MSMO1: variants seen among roughly 807,000 people sequenced by gnomAD.
The protein encoded by MSMO1 is C-4 methylsterol oxidase.
A neutral mutation model predicts 30.4 loss-of-function variants in MSMO1; 18 were observed. The observed-to-expected ratio is 0.59, with a 90% CI of 0.41 to 0.88. MSMO1 has a LOEUF of 0.88. Ranked by LOEUF, MSMO1 falls within the 40% of genes least tolerant of loss-of-function variation. The pLI is 0.00. For missense variants in MSMO1, 284 were observed against 340.5 expected, an observed-to-expected ratio of 0.83 and a Z score of 1.31; for synonymous variants, 84 against 107.9, an observed-to-expected ratio of 0.78 and a Z score of 1.37.
At chr4:165,336,682 C>A (rs547717736) in intron 2 of MSMO1, among the ~76,000 whole-genome samples, 102 of 152,288 alleles carry the variant, frequency 6.7e-4, no homozygotes, top group Non-Finnish European at 1.2e-3. Context: ...AATACAAAGG[C>A]AGCTGTCAGA....
At chr4:165,334,821 G>A (rs1747495550) in intron 2 of MSMO1, among the ~76,000 whole-genome samples, 2 of 152,172 alleles carry the variant, frequency 1.3e-5, no homozygotes, top group Admixed American at 1.3e-4. Flanking sequence ...GTAGACCATT[G>A]AGAGTATTCA....
Position 165,332,215 on chromosome 4 carries a change from A to G in MSMO1, c.-31-1125A>G, listed in dbSNP as rs533348240. ...GCATAAAAGTGCATAGATAAAATAC[A>G]TATCCTTTTCAAAAAATCTTAAGTG... On this transcript the variant is annotated intron_variant, in intron 1 of 5. Coordinates refer to ENST00000261507, the MANE Select transcript of MSMO1 (RefSeq NM_006745.5). 7.2e-5 allele frequency among the ~76,000 whole-genome samples: 11 copies of G among 152,330 alleles called. No individual in the cohort carries two copies. In the South Asian group the frequency reaches 1.9e-3, roughly 26 times the overall value.
chr4:165,335,081 A>G, intron 2 of MSMO1, among the ~76,000 whole-genome samples: 1 of 152,218 alleles, frequency 6.6e-6, no homozygotes, highest in East Asian at 1.9e-4. Context: ...GGATTCGTGT[A>G]GGTTATGTCA....
At chr4:165,333,752 A>G in intron 2 of MSMO1, 127 bp downstream of exon 2, 1 of 1,062,818 alleles carries the variant, frequency 9.4e-7, no homozygotes, top group Non-Finnish European at 1.3e-6. Flanking sequence ...CACGTATGTA[A>G]TTTTAAATTT....
chr4:165,329,827 T>C (rs1392612280), intron 1 of MSMO1, among the ~76,000 whole-genome samples: 6 of 151,758 alleles, frequency 4.0e-5, no homozygotes, highest in Non-Finnish European at 7.4e-5. Flanking sequence ...TTGGTGGAGA[T>C]GTTTCACCAT....
Position 165,333,400 on chromosome 4 carries a change from T to TATA in MSMO1, c.31_32insTAA (p.Phe10_Ser11insIle). The TATA allele has an allele frequency of 6.2e-7, 1 of 1,612,010 alleles. No individual in the cohort carries two copies. The stretch of plus-strand genomic sequence containing the variant: ...CAACAAATGAAAGTGTCAGCATCTT[T>TATA]AGTTCAGCATCCTTGGCTGTGGAAT... On this transcript the variant is annotated inframe_insertion, in exon 2 of 6. Coordinates refer to ENST00000261507, the MANE Select transcript of MSMO1 (RefSeq NM_006745.5).
At position 165,337,043 on chromosome 4, in the gene MSMO1, T is replaced by A. The variant is rs201841620; in HGVS notation, c.256-746T>A. On this transcript the variant is annotated intron_variant, in intron 2 of 5. Transcript: ENST00000261507. Reference sequence around the variant, plus strand: ...ATACCTGAATTTTTCAGCAGTGACATTTAAAACAAAGCAATAACTGATATT... The same window carrying A: ...ATACCTGAATTTTTCAGCAGTGACAATTAAAACAAAGCAATAACTGATATT... Among the ~76,000 whole-genome samples the A allele has an allele frequency of 5.3e-5, 8 of 152,248 alleles. No individual in the cohort carries two copies. The East Asian group carries it at 1.5e-3, about 29-fold the overall frequency.
In MSMO1 at chr4:165,341,956, G is replaced by T. The variant is rs375429656; in HGVS notation, c.*10G>T. On this transcript the variant is annotated 3_prime_UTR_variant, in exon 6 of 6. Transcript: ENST00000261507. ...GAAAAAGACTGAATAAATATCTCAC[G>T]TAAACCTTCCTGAAAGATAAACGTT... is the stretch of plus-strand genomic sequence containing the variant. 1.9e-6 allele frequency: 3 copies of T among 1,593,546 alleles called. 1 individual carries two copies. Among genetic ancestry groups the T allele is most frequent in the South Asian group, 2.2e-5 (2 of 90,518 alleles).
rs1208510774 is a variant in MSMO1, at chr4:165,342,886, T to G, written c.*940T>G. 2 of 152,524 alleles carry G rather than the reference T, an allele frequency of 1.3e-5. No homozygotes were observed. Among genetic ancestry groups the G allele is most frequent in the Non-Finnish European group, 2.9e-5 (2 of 68,042 alleles). The allele number at this position is 152,524 out of a possible 1,614,324, so 9.4% of individuals were successfully genotyped here. On this transcript the variant is annotated 3_prime_UTR_variant, in exon 6 of 6. Coordinates refer to ENST00000261507, the MANE Select transcript of MSMO1 (RefSeq NM_006745.5). Reference sequence around the variant, plus strand: ...TTCTGAATGGATGTAAGTGGAGTATTTTAGTCTAAAGGCTTTTCAAATTAC... The same window carrying G: ...TTCTGAATGGATGTAAGTGGAGTATGTTAGTCTAAAGGCTTTTCAAATTAC...
At position 165,341,998 on chromosome 4, in the gene MSMO1, C is replaced by G; in HGVS notation, c.*52C>G. The G allele has an allele frequency of 2.1e-6, 3 of 1,429,972 alleles. No homozygotes were observed. Among genetic ancestry groups the G allele is most frequent in the African/African-American group, 1.4e-5 (1 of 71,088 alleles). 88.6% of individuals were successfully genotyped at this position (1,429,972 alleles called of 1,614,324 possible). A position where few individuals can be genotyped will look rare whatever the true frequency, so the allele number is the denominator to read the frequency against. On this transcript the variant is annotated 3_prime_UTR_variant, in exon 6 of 6. Coordinates refer to ENST00000261507, the MANE Select transcript of MSMO1 (RefSeq NM_006745.5). ...ATAAACGTTTTCCTGAATTCAGAAACTAGTAGCTAACATTGCTTCTGGAGA... is the reference window on the plus strand; with the variant it reads ...ATAAACGTTTTCCTGAATTCAGAAAGTAGTAGCTAACATTGCTTCTGGAGA...
At chr4:165,329,072 G>A (rs6828824) in intron 1 of MSMO1, among the ~76,000 whole-genome samples, 68,925 of 151,986 alleles carry the variant, frequency 0.45, 16,195 homozygotes, top group African/African-American at 0.55. Context: ...GATGATGGAT[G>A]TCAGCATATT....
intron 2 of MSMO1, among the ~76,000 whole-genome samples, chr4:165,336,737 A>G (rs1333311025): frequency 6.6e-6 from 1 of 152,236 alleles, no homozygotes; most frequent in African/African-American, 2.4e-5. Flanking sequence ...AAACATCACA[A>G]GAGCTAGTTA....
chr4:165,330,625 A>G (rs1465984392), intron 1 of MSMO1, among the ~76,000 whole-genome samples: 1 of 152,214 alleles, frequency 6.6e-6, no homozygotes, highest in Non-Finnish European at 1.5e-5. Context: ...AACTTAGAAG[A>G]TGATTGAAGA....
intron 2 of MSMO1, among the ~76,000 whole-genome samples, chr4:165,335,311 G>A (rs1324239832): frequency 6.6e-6 from 1 of 152,146 alleles, no homozygotes; most frequent in African/African-American, 2.4e-5. Context: ...GGATAATGCA[G>A]GGGTCAGATG....
intron 1 of MSMO1, among the ~76,000 whole-genome samples, chr4:165,328,349 G>A (rs996359557): frequency 2.6e-5 from 4 of 152,196 alleles, no homozygotes; most frequent in Non-Finnish European, 4.4e-5. Context: ...AAGTCTGGAA[G>A]GGCCTCGTGT....
intron 2 of MSMO1, among the ~76,000 whole-genome samples, chr4:165,333,826 T>G (rs1469307352): frequency 4.6e-5 from 7 of 152,226 alleles, no homozygotes; most frequent in Non-Finnish European, 1.0e-4. Context: ...TGTGTATCAT[T>G]TAGCTCAATA....
In MSMO1 at chr4:165,340,323, C is replaced by A; in HGVS notation, c.634C>A (p.Leu212Ile). ...CGTGCTTTTGTGTGATCATGTAATT[C>A]TTCTTTGGGCATGGGTGACCATTCG... ...GIVLLCDHVI[L>I]LWAWVTIRLL... The change falls in exon 5 of 6, where the codon CTT (leucine) becomes ATT (isoleucine). Residue 212 changes from leucine (L) to isoleucine (I), a missense_variant. By Grantham distance (5) the Leu-to-Ile change is conservative. Coordinates refer to ENST00000261507, the MANE Select transcript of MSMO1 (RefSeq NM_006745.5). The A allele has an allele frequency of 1.2e-6, 2 of 1,613,840 alleles. No individual in the cohort carries two copies. Among genetic ancestry groups the A allele is most frequent in the Non-Finnish European group, 1.7e-6 (2 of 1,179,878 alleles).
At position 165,341,937 on chromosome 4, in the gene MSMO1, G is replaced by C. The variant is rs1360729640; in HGVS notation, c.873G>C (p.Lys291Asn). The C allele has an allele frequency of 2.5e-6, 4 of 1,609,468 alleles. No individual in the cohort carries two copies. The highest frequency in any genetic ancestry group is 3.4e-6 in the Non-Finnish European group (4 of 1,176,720). ...YNEKRKKFEK[K>N]TE ...AAAAGAGGAAGAAGTTTGAGAAAAAGACTGAATAAATATCTCACGTAAACC... is the reference window on the plus strand; with the variant it reads ...AAAAGAGGAAGAAGTTTGAGAAAAACACTGAATAAATATCTCACGTAAACC... The change falls in exon 6 of 6, where the codon AAG (lysine) becomes AAC (asparagine). Residue 291 changes from lysine (K) to asparagine (N), a missense_variant. Coordinates refer to ENST00000261507, the MANE Select transcript of MSMO1 (RefSeq NM_006745.5).
At chr4:165,329,624 G>C (rs1747334480) in intron 1 of MSMO1, among the ~76,000 whole-genome samples, 1 of 86,120 alleles carries the variant, frequency 1.2e-5, no homozygotes, top group Non-Finnish European at 2.4e-5. Context: ...GATCCATAGC[G>C]ATTTTTTTTT....
Sources: gnomAD v4.1 joint callset for allele counts (sites outside exome capture counted in the v4.1 genomes callset) on GRCh38, gnomAD v4.1.1 for gene constraint, MANE v1.5 for transcripts, NCBI Gene and HGNC (gene_info 2026-07-23, HGNC 2026-07-21) for gene names.